CLNK: variants seen among roughly 807,000 people sequenced by gnomAD.
The protein encoded by CLNK is cytokine-dependent hematopoietic cell linker.
CLNK carries 74 observed loss-of-function variants against 68.6 expected under a neutral mutation model. That is an observed-to-expected ratio of 1.08 (90% CI 0.89 to 1.31). The LOEUF (loss-of-function observed/expected upper bound fraction) is 1.31. Ranked by LOEUF, CLNK falls within the 50% of genes most tolerant of loss-of-function variation. CLNK has a pLI of 0.00. For synonymous variants in CLNK, 198 were observed against 172.2 expected, an observed-to-expected ratio of 1.15 and a Z score of -1.17; for missense variants, 553 against 515.3, an observed-to-expected ratio of 1.07 and a Z score of -0.71.
chr4:10,587,360 G>A (rs1467922223), intron 3 of CLNK, among the ~76,000 whole-genome samples: 2 of 152,172 alleles, frequency 1.3e-5, no homozygotes, highest in African/African-American at 4.8e-5. Context: ...GCCATGCTTT[G>A]AAAAGCCCCG....
chr4:10,626,003 T>C (rs1375746238), intron 2 of CLNK, among the ~76,000 whole-genome samples: 1 of 152,270 alleles, frequency 6.6e-6, no homozygotes, highest in African/African-American at 2.4e-5. Flanking sequence ...TGTGTGGAAA[T>C]GATTCCCACC....
At chr4:10,609,738 A>G (rs1041851284) in intron 2 of CLNK, among the ~76,000 whole-genome samples, 23 of 152,368 alleles carry the variant, frequency 1.5e-4, no homozygotes, top group Middle Eastern at 3.4e-3. Context: ...GGAGGGTGGC[A>G]TTTGATTTTA....
intron 14 of CLNK, 44 bp from the exon 15 acceptor site, chr4:10,520,875 C>A (rs756451184): frequency 1.4e-6 from 2 of 1,468,196 alleles, no homozygotes; most frequent in East Asian, 2.4e-5. Flanking sequence ...TAGTATTTCC[C>A]CTTGGTGGTA....
At chr4:10,500,860 A>G (rs538098026) in intron 18 of CLNK, among the ~76,000 whole-genome samples, 2 of 152,322 alleles carry the variant, frequency 1.3e-5, no homozygotes, top group Non-Finnish European at 2.9e-5. Flanking sequence ...CTGGGTTCAC[A>G]TTCATTTTGG....
chr4:10,595,979 G>C (rs1017943357), intron 3 of CLNK, among the ~76,000 whole-genome samples: 1 of 152,136 alleles, frequency 6.6e-6, no homozygotes, highest in Non-Finnish European at 1.5e-5. Flanking sequence ...ACACAGGAAG[G>C]TTCAAGAGAT....
intron 2 of CLNK, among the ~76,000 whole-genome samples, chr4:10,656,824 G>A (rs1326957583): frequency 6.6e-6 from 1 of 152,126 alleles, no homozygotes; most frequent in African/African-American, 2.4e-5. Flanking sequence ...TGACTGGAGA[G>A]TGTATAAATA....
intron 8 of CLNK, among the ~76,000 whole-genome samples, chr4:10,552,532 A>G (rs1440742263): frequency 6.6e-6 from 1 of 152,006 alleles, no homozygotes; most frequent in Non-Finnish European, 1.5e-5. Flanking sequence ...CCTAAACCCA[A>G]TGCCTCCACC....
chr4:10,580,951 G>A (rs528110047), intron 4 of CLNK, among the ~76,000 whole-genome samples: 5 of 152,300 alleles, frequency 3.3e-5, no homozygotes, highest in Admixed American at 6.5e-5. Context: ...CCACTCATTC[G>A]TTAACTCATT....
At chr4:10,525,412 T>C (rs1325432058) in intron 14 of CLNK, among the ~76,000 whole-genome samples, 2 of 152,170 alleles carry the variant, frequency 1.3e-5, no homozygotes, top group Non-Finnish European at 2.9e-5. Context: ...GTTGTCACAA[T>C]AAGCGGAGCA....
chr4:10,669,010 A>G (rs1465318143), intron 1 of CLNK, among the ~76,000 whole-genome samples: 1 of 152,212 alleles, frequency 6.6e-6, no homozygotes, highest in Admixed American at 6.5e-5. Context: ...TATGTGACCG[A>G]GAACACCCAT....
At chr4:10,570,235 T>G (rs1282659947) in intron 5 of CLNK, among the ~76,000 whole-genome samples, 1 of 152,192 alleles carries the variant, frequency 6.6e-6, no homozygotes, top group African/African-American at 2.4e-5. Context: ...AACTGGGATG[T>G]GAGCCTGAAC....
chr4:10,496,993 T>A (rs1004317248), intron 18 of CLNK, among the ~76,000 whole-genome samples: 2 of 152,198 alleles, frequency 1.3e-5, no homozygotes, highest in Non-Finnish European at 2.9e-5. Context: ...CTTGCTTTGT[T>A]TGTGTGTTTT....
intron 1 of CLNK, among the ~76,000 whole-genome samples, chr4:10,683,465 A>G (rs1474809604): frequency 6.6e-6 from 1 of 152,188 alleles, no homozygotes; most frequent in Non-Finnish European, 1.5e-5. Context: ...TGAAACTGCA[A>G]ACTAACACTG....
chr4:10,600,741 C>T (rs1266407275), intron 2 of CLNK, among the ~76,000 whole-genome samples: 1 of 152,200 alleles, frequency 6.6e-6, no homozygotes, highest in Non-Finnish European at 1.5e-5. Context: ...ATGTAGTTAA[C>T]TGGACAGAGT....
intron 4 of CLNK, among the ~76,000 whole-genome samples, chr4:10,584,455 C>A (rs532409583): frequency 6.6e-5 from 10 of 152,184 alleles, no homozygotes; most frequent in Admixed American, 1.3e-4. Flanking sequence ...CTTTAATGGG[C>A]TCCTGTTAAG....
chr4:10,624,379 G>C (rs546237165), intron 2 of CLNK, among the ~76,000 whole-genome samples: 1 of 152,064 alleles, frequency 6.6e-6, no homozygotes, highest in African/African-American at 2.4e-5. Flanking sequence ...TGCAAGCTCC[G>C]CCTCCTGGGT....
At chr4:10,508,114 C>T (rs1456003490) in intron 16 of CLNK, 78 bp from the exon 17 acceptor site, 3 of 1,152,068 alleles carry the variant, frequency 2.6e-6, no homozygotes, top group Non-Finnish European at 1.3e-6. Flanking sequence ...TCAAAATTTA[C>T]TTTTGCTCCA....
At chr4:10,537,565 C>G (rs563205213) in intron 11 of CLNK, among the ~76,000 whole-genome samples, 3 of 151,506 alleles carry the variant, frequency 2.0e-5, no homozygotes, top group Non-Finnish European at 4.4e-5. Context: ...ATGGGAGAAG[C>G]TGGTTTCCTT....
At chr4:10,640,598 G>T (rs980029653) in intron 2 of CLNK, among the ~76,000 whole-genome samples, 13 of 152,156 alleles carry the variant, frequency 8.5e-5, no homozygotes, top group Non-Finnish European at 1.6e-4. Flanking sequence ...GAAACCGCAT[G>T]AACATTCTTC....
Sources: allele counts gnomAD v4.1 joint callset (sites outside exome capture counted in the v4.1 genomes callset), GRCh38; gene constraint gnomAD v4.1.1; transcripts MANE v1.5; gene names NCBI Gene and HGNC (gene_info 2026-07-23, HGNC 2026-07-21).